KCNAB1: variants seen among roughly 807,000 people sequenced by gnomAD.
KCNAB1 encodes the protein voltage-gated potassium channel subunit beta-1.
In KCNAB1, 35 loss-of-function variants were observed where a neutral mutation model predicts 64.6. That is an observed-to-expected ratio of 0.54 (90% CI 0.41 to 0.72). The LOEUF (loss-of-function observed/expected upper bound fraction) is 0.72. KCNAB1 is among the 30% of genes least tolerant of loss of function. KCNAB1 has a pLI of 0.00. For missense variants in KCNAB1, 401 were observed against 512.9 expected (o/e 0.78, Z 2.11); for synonymous variants, 177 against 183.8 (o/e 0.96, Z 0.30).
chr3:156,525,018 T>G (rs1004101809), intron 12 of KCNAB1, among the ~76,000 whole-genome samples: 1 of 152,126 alleles, frequency 6.6e-6, no homozygotes, highest in African/African-American at 2.4e-5. Context: ...GCCAGTAATA[T>G]AAAAGTCTAG....
At chr3:156,378,786 T>C (rs2108142425) in intron 1 of KCNAB1, among the ~76,000 whole-genome samples, 1 of 152,230 alleles carries the variant, frequency 6.6e-6, no homozygotes, top group East Asian at 1.9e-4. Context: ...GGTTCTCTCT[T>C]ACCTTAAGGT....
At chr3:156,524,103 G>A in intron 12 of KCNAB1, 156 bp downstream of exon 12, 1 of 755,644 alleles carries the variant, frequency 1.3e-6, no homozygotes, top group South Asian at 2.5e-5. Context: ...TGAGTTATTT[G>A]AGGTTCCCCA....
intron 1 of KCNAB1, among the ~76,000 whole-genome samples, chr3:156,256,858 G>A (rs901457845): frequency 8.5e-5 from 13 of 152,200 alleles, no homozygotes; most frequent in African/African-American, 3.1e-4. Context: ...TAGGGAGGGA[G>A]TTGGGTATTT....
At chr3:156,511,325 G>A (rs991510572) in intron 8 of KCNAB1, among the ~76,000 whole-genome samples, 4 of 152,004 alleles carry the variant, frequency 2.6e-5, no homozygotes, top group African/African-American at 4.8e-5. Context: ...GGATGGTCTC[G>A]ATCTCCTGAC....
intron 1 of KCNAB1, among the ~76,000 whole-genome samples, chr3:156,198,913 A>ATTTTTTTTTTTTTTTTTTTTTTTTTT: frequency 4.7e-5 from 1 of 21,294 alleles, no homozygotes; most frequent in Non-Finnish European, 9.0e-5. Flanking sequence ...TTATATTTTG[A>ATTTTTTTTTTTTTTTTTTTTTTTTTT]TTTTTTTTTT....
At chr3:156,461,007 C>G (rs905126789) in intron 5 of KCNAB1, among the ~76,000 whole-genome samples, 1 of 152,182 alleles carries the variant, frequency 6.6e-6, no homozygotes, top group African/African-American at 2.4e-5. Flanking sequence ...TTCTCCCTCT[C>G]CCCCATCCCA....
At chr3:156,284,518 T>C (rs2108508496) in intron 1 of KCNAB1, among the ~76,000 whole-genome samples, 1 of 152,286 alleles carries the variant, frequency 6.6e-6, no homozygotes, top group East Asian at 1.9e-4. Flanking sequence ...CCAGGCTGCT[T>C]TGTTTACCTA....
At chr3:156,369,644 G>A (rs1726173524) in intron 1 of KCNAB1, among the ~76,000 whole-genome samples, 1 of 152,196 alleles carries the variant, frequency 6.6e-6, no homozygotes, top group Non-Finnish European at 1.5e-5. Context: ...CTGTAGGAAA[G>A]TCTCCTGAAT....
At chr3:156,227,517 T>A (rs549389181) in intron 1 of KCNAB1, among the ~76,000 whole-genome samples, 2 of 152,210 alleles carry the variant, frequency 1.3e-5, no homozygotes, top group Non-Finnish European at 2.9e-5. Flanking sequence ...TATTTTTATA[T>A]GCAAATTAGT....
chr3:156,535,384 T>C (rs1192274772), intron 13 of KCNAB1, among the ~76,000 whole-genome samples: 1 of 152,156 alleles, frequency 6.6e-6, no homozygotes. Context: ...TTGTCCCTTG[T>C]CTTATGGTGT....
intron 1 of KCNAB1, among the ~76,000 whole-genome samples, chr3:156,276,387 T>G (rs1173306349): frequency 6.6e-6 from 1 of 152,156 alleles, no homozygotes; most frequent in Admixed American, 6.5e-5. Flanking sequence ...AAATGAGTAT[T>G]GGCTTCAGCT....
chr3:156,476,605 A>C (rs28373209), intron 8 of KCNAB1, among the ~76,000 whole-genome samples: 6 of 151,844 alleles, frequency 4.0e-5, no homozygotes, highest in African/African-American at 4.8e-5. Context: ...ATATATATAT[A>C]TCTCACAGTT....
At chr3:156,497,131 C>T (rs1197797441) in intron 8 of KCNAB1, among the ~76,000 whole-genome samples, 1 of 152,188 alleles carries the variant, frequency 6.6e-6, no homozygotes, top group African/African-American at 2.4e-5. Flanking sequence ...AAGTTTTAAA[C>T]TTACCTTTTG....
At chr3:156,335,122 A>G (rs1723599615) in intron 1 of KCNAB1, among the ~76,000 whole-genome samples, 1 of 152,238 alleles carries the variant, frequency 6.6e-6, no homozygotes, top group African/African-American at 2.4e-5. Context: ...TCCTGCTGGC[A>G]TCTGGAGCCT....
chr3:156,243,311 A>G (rs1283928220), intron 1 of KCNAB1, among the ~76,000 whole-genome samples: 2 of 149,464 alleles, frequency 1.3e-5, no homozygotes, highest in African/African-American at 2.5e-5. Flanking sequence ...TGCAACCCCC[A>G]CCTCCTGGGT....
chr3:156,371,325 T>C (rs1426985215), intron 1 of KCNAB1, among the ~76,000 whole-genome samples: 1 of 152,172 alleles, frequency 6.6e-6, no homozygotes, highest in Admixed American at 6.5e-5. Context: ...GCTTCAGTTT[T>C]CTTATGTGAA....
At chr3:156,274,622 A>G (rs929169744) in intron 1 of KCNAB1, among the ~76,000 whole-genome samples, 2 of 152,242 alleles carry the variant, frequency 1.3e-5, no homozygotes, top group Admixed American at 1.3e-4. Flanking sequence ...GTCTTTGAAT[A>G]TCAGTCAGGA....
At chr3:156,400,376 C>T (rs1172629193) in intron 1 of KCNAB1, among the ~76,000 whole-genome samples, 2 of 152,144 alleles carry the variant, frequency 1.3e-5, no homozygotes, top group Admixed American at 6.5e-5. Context: ...CTAGTTTAGA[C>T]TCTGATACTT....
Position 156,338,394 on chromosome 3 carries a change from T to G in KCNAB1, c.276-83222T>G, listed in dbSNP as rs561595661. Among the ~76,000 whole-genome samples the G allele has an allele frequency of 3.7e-3, 503 of 135,810 alleles. 3 individuals carry two copies. Among genetic ancestry groups the G allele is most frequent in the Admixed American group, 6.0e-3 (75 of 12,464 alleles). 89.1% of individuals were successfully genotyped at this position (135,810 alleles called of 152,430 possible). A position where few individuals can be genotyped will look rare whatever the true frequency, so the allele number is the denominator to read the frequency against. On this transcript the variant is annotated intron_variant, in intron 1 of 13. Transcript: ENST00000490337. ...GGCACAATCTCAGCTCACCGCAACC[T>G]CCGCCTCCCGGGTTCAAGCGATTCT...
Sources: allele counts gnomAD v4.1 joint callset (sites outside exome capture counted in the v4.1 genomes callset), GRCh38; gene constraint gnomAD v4.1.1; transcripts MANE v1.5; gene names NCBI Gene and HGNC (gene_info 2026-07-23, HGNC 2026-07-21).